The following PRKN variants were observed in gnomAD, a reference collection of about 807,000 sequenced individuals.
PRKN encodes the protein parkin RBR E3 ubiquitin protein ligase, also known as E3 ubiquitin-protein ligase parkin.
A neutral mutation model predicts 59.5 loss-of-function variants in PRKN; 56 were observed. The observed-to-expected ratio is 0.94, with a 90% CI of 0.76 to 1.18. PRKN has a LOEUF of 1.18. Among genes scored for constraint, PRKN ranks in the 50% most tolerant of loss-of-function variants. PRKN has a pLI of 0.00. For synonymous variants in PRKN, 250 were observed against 222.1 expected (o/e 1.13, Z -1.12); for missense variants, 657 against 596.4 (o/e 1.10, Z -1.06).
intron 2 of PRKN, among the ~76,000 whole-genome samples, chr6:162,320,381 A>AC (rs1782951415): frequency 1.5e-5 from 2 of 129,586 alleles, no homozygotes; most frequent in Non-Finnish European, 3.5e-5. Flanking sequence ...AAAAAAAAAA[A>AC]AAACCAAGCA....
At chr6:162,499,598 C>G (rs62428847) in intron 1 of PRKN, among the ~76,000 whole-genome samples, 1 of 152,024 alleles carries the variant, frequency 6.6e-6, no homozygotes, top group Non-Finnish European at 1.5e-5. Context: ...TCAGGAGACC[C>G]GGACACTGTC....
rs781084897 is a variant in PRKN, at chr6:161,480,457, T to C, written c.1083+68397A>G. On this transcript the variant is annotated intron_variant, in intron 9 of 11. Coordinates refer to ENST00000366898, the MANE Select transcript of PRKN (RefSeq NM_004562.3). The surrounding 1 kb of genome is among the most constrained non-coding windows in gnomAD (Gnocchi z 4.1). Reference sequence around the variant, plus strand: ...TTCTCTTATTTCACATATGAGAAAATTGAGAGCTTAAACAGCTTGCTTAAA... The same window carrying C: ...TTCTCTTATTTCACATATGAGAAAACTGAGAGCTTAAACAGCTTGCTTAAA... Among the ~76,000 whole-genome samples, 86 of 152,274 alleles carry C rather than the reference T, an allele frequency of 5.6e-4. No homozygotes were observed. Among genetic ancestry groups the C allele is most frequent in the Non-Finnish European group, 7.4e-5 (5 of 68,016 alleles).
intron 5 of PRKN, among the ~76,000 whole-genome samples, chr6:162,007,448 G>A (rs143460477): frequency 1.3e-5 from 2 of 152,192 alleles, no homozygotes; most frequent in East Asian, 3.9e-4. Context: ...TATGACACAT[G>A]TTTCTTGAGC....
intron 2 of PRKN, among the ~76,000 whole-genome samples, chr6:162,351,174 G>A (rs1180418612): frequency 6.6e-6 from 1 of 152,124 alleles, no homozygotes; most frequent in Non-Finnish European, 1.5e-5. Flanking sequence ...CTGGGCCACA[G>A]AGCGAGTCTA....
At chr6:161,857,961 T>C (rs966738394) in intron 6 of PRKN, among the ~76,000 whole-genome samples, 8 of 152,204 alleles carry the variant, frequency 5.3e-5, no homozygotes, top group African/African-American at 1.4e-4. Context: ...AATTATCACG[T>C]TGGTGCAAAG....
intron 7 of PRKN, among the ~76,000 whole-genome samples, chr6:161,610,808 C>T (rs994841918): frequency 6.6e-6 from 1 of 152,058 alleles, no homozygotes; most frequent in Admixed American, 6.6e-5. Context: ...GTGTCCATAG[C>T]AGAGCCAAGG....
At chr6:162,510,836 T>C (rs948206039) in intron 1 of PRKN, among the ~76,000 whole-genome samples, 1 of 151,962 alleles carries the variant, frequency 6.6e-6, no homozygotes, top group Admixed American at 6.6e-5. Context: ...GGCAGGAGAA[T>C]CGCTTGATCC....
chr6:162,238,412 T>G (rs1459063203), intron 3 of PRKN, among the ~76,000 whole-genome samples: 1 of 152,246 alleles, frequency 6.6e-6, no homozygotes, highest in African/African-American at 2.4e-5. Flanking sequence ...CCATGTGTTT[T>G]TCAGAAGTAT....
chr6:161,950,477 GAT>G (rs1370195528), intron 6 of PRKN, among the ~76,000 whole-genome samples: 20 of 152,294 alleles, frequency 1.3e-4, no homozygotes, highest in African/African-American at 4.6e-4. Context: ...CTGGGAGGCA[GAT>G]GTTTAAGTGA....
At chr6:161,453,516 G>A (rs1789834837) in intron 9 of PRKN, among the ~76,000 whole-genome samples, 2 of 152,064 alleles carry the variant, frequency 1.3e-5, no homozygotes, top group African/African-American at 2.4e-5. Context: ...TAATCTTAAC[G>A]GGCCTCATCC....
At chr6:161,966,903 C>T (rs1780602292) in intron 6 of PRKN, among the ~76,000 whole-genome samples, 1 of 152,256 alleles carries the variant, frequency 6.6e-6, no homozygotes, top group South Asian at 2.1e-4. Flanking sequence ...ACGATCTTGG[C>T]TCACCACAAC....
rs1211085218 is a variant in PRKN, at chr6:162,201,195, A to T, written c.470T>A (p.Val157Glu). 6.2e-7 allele frequency: 1 copy of T among 1,613,850 alleles called. No individual in the cohort carries two copies. Among genetic ancestry groups the T allele is most frequent in the African/African-American group, 1.3e-5 (1 of 74,864 alleles). Residue 157 changes from valine (V) to glutamate (E), a missense_variant, in exon 4 of 12, where the codon GTG (valine) becomes GAG (glutamate). Physicochemically the swap from Val to Glu is moderately radical, Grantham distance 121 (BLOSUM62 -2). Coordinates refer to ENST00000366898, the MANE Select transcript of PRKN (RefSeq NM_004562.3). ...CTGTACCCTGAGTTTTCCCGGCTGCACTCTTTGACAGGGGCCTTTGCAATA... is the reference window on the plus strand; with the variant it reads ...CTGTACCCTGAGTTTTCCCGGCTGCTCTCTTTGACAGGGGCCTTTGCAATA... ...YVYCKGPCQRVQPGKLRVQCS... is the reference protein window; with the variant it reads ...YVYCKGPCQREQPGKLRVQCS...
At chr6:161,990,467 A>G (rs1234865796) in intron 5 of PRKN, among the ~76,000 whole-genome samples, 2 of 152,380 alleles carry the variant, frequency 1.3e-5, no homozygotes, top group Non-Finnish European at 2.9e-5. Context: ...AAAAAGCTCA[A>G]TGAGATATGA....
In PRKN at chr6:161,413,704, C is replaced by A. The variant is rs918575887; in HGVS notation, c.1084-26827G>T. Among the ~76,000 whole-genome samples the A allele has an allele frequency of 2.6e-5, 4 of 152,150 alleles. No individual in the cohort carries two copies. The highest frequency in any genetic ancestry group is 9.7e-5 in the African/African-American group (4 of 41,432). On this transcript the variant is annotated intron_variant, in intron 9 of 11. Coordinates refer to ENST00000366898, the MANE Select transcript of PRKN (RefSeq NM_004562.3). This position sits in a 1 kb window ranked among gnomAD's most constrained non-coding sequence, Gnocchi z 4.4. ...TCTGTTCACAGCTTCCCACAGGAGT[C>A]CAGCTGAGAAGGAAGCCACATGGCC...
Position 161,423,346 on chromosome 6 carries a change from G to A in PRKN, c.1084-36469C>T, listed in dbSNP as rs1284510469. On this transcript the variant is annotated intron_variant, in intron 9 of 11. Transcript: ENST00000366898. This position sits in a 1 kb window ranked among gnomAD's most constrained non-coding sequence, Gnocchi z 5.9. ...TGCAAACGGATAGCAGCTGAGACAC[G>A]CTGTGTAACTTGCAGCTTACATGTA... Among the ~76,000 whole-genome samples, 3 of 152,172 alleles carry A rather than the reference G, an allele frequency of 2.0e-5. No homozygotes were observed. The highest frequency in any genetic ancestry group is 7.2e-5 in the African/African-American group (3 of 41,424).
At chr6:161,746,902 G>A (rs539294931) in intron 7 of PRKN, among the ~76,000 whole-genome samples, 1 of 150,758 alleles carries the variant, frequency 6.6e-6, no homozygotes, top group African/African-American at 2.4e-5. Flanking sequence ...ATGTATGTAT[G>A]TATAATACTG....
chr6:162,311,481 CTTTTTTTTTT>C (rs397886856), intron 2 of PRKN, among the ~76,000 whole-genome samples: 1 of 128,536 alleles, frequency 7.8e-6, no homozygotes, highest in Non-Finnish European at 1.6e-5. Context: ...AATTTTTTTC[CTTTTTTTTTT>C]TTTTTTTTTG....
chr6:162,263,852 G>C (rs763436933), intron 2 of PRKN, among the ~76,000 whole-genome samples: 1 of 152,048 alleles, frequency 6.6e-6, no homozygotes, highest in Non-Finnish European at 1.5e-5. Context: ...TACTCGGGAG[G>C]CTGAGGCAGG....
rs544210707 is a variant in PRKN at position 161,491,214 on chromosome 6, G to A, written c.1083+57640C>T. 3.4e-4 allele frequency among the ~76,000 whole-genome samples: 52 copies of A among 152,292 alleles called. 1 individual carries two copies. The highest frequency in any genetic ancestry group is 6.8e-3 in the Middle Eastern group (2 of 294). ...CTTTTGAAATGATTTGGTTCTCTTA[G>A]AAAACTTCGTATGGACAGTTGGGTA... On this transcript the variant is annotated intron_variant, in intron 9 of 11. Transcript: ENST00000366898.
Sources: gnomAD v4.1 joint callset for allele counts (sites outside exome capture counted in the v4.1 genomes callset) on GRCh38, gnomAD v4.1.1 for gene constraint, Gnocchi (gnomAD v3.1) non-coding constraint, MANE v1.5 for transcripts, NCBI Gene and HGNC (gene_info 2026-07-23, HGNC 2026-07-21) for gene names.